The following KYAT3 variants were observed in gnomAD, a reference collection of about 807,000 sequenced individuals.
KYAT3 encodes the protein kynurenine aminotransferase 3.
In KYAT3, 50 loss-of-function variants were observed where a neutral mutation model predicts 59.0. The observed-to-expected ratio is 0.85, with a 90% CI of 0.68 to 1.07. The LOEUF (loss-of-function observed/expected upper bound fraction) is 1.07, where lower values mean the gene tolerates loss of function less well. Among genes scored for constraint, KYAT3 ranks in the 50% least tolerant of loss-of-function variants. KYAT3 has a pLI of 0.00. For missense variants in KYAT3, 497 were observed against 533.3 expected, an observed-to-expected ratio of 0.93 and a Z score of 0.67; for synonymous variants, 148 against 177.0, an observed-to-expected ratio of 0.84 and a Z score of 1.30.
intron 13 of KYAT3, among the ~76,000 whole-genome samples, chr1:88,940,784 T>A (rs967589109): frequency 1.3e-5 from 2 of 152,220 alleles, no homozygotes; most frequent in Non-Finnish European, 2.9e-5. Context: ...CCAGATGACA[T>A]GACTGTATGT....
chr1:88,953,235 T>C, intron 9 of KYAT3, 83 bp from the exon 10 acceptor site: 1 of 881,210 alleles, frequency 1.1e-6, no homozygotes, highest in Non-Finnish European at 1.8e-6. Flanking sequence ...TTAGTGCAAT[T>C]GTTAAATATA....
chr1:88,988,685 A>G (rs1677613764), intron 1 of KYAT3, among the ~76,000 whole-genome samples: 1 of 152,244 alleles, frequency 6.6e-6, no homozygotes, highest in Admixed American at 6.5e-5. Flanking sequence ...TAGCAGCTAT[A>G]AAATCCAGAG....
chr1:88,925,655 A>C, the KYAT3 span, among the ~76,000 whole-genome samples: 14 of 151,356 alleles, frequency 9.2e-5, no homozygotes, highest in East Asian at 2.5e-3. Context: ...CAGAGGAGAG[A>C]GAGATGGAAG....
At chr1:88,987,984 C>T (rs992390895) in intron 2 of KYAT3, among the ~76,000 whole-genome samples, 1 of 152,184 alleles carries the variant, frequency 6.6e-6, no homozygotes, top group African/African-American at 2.4e-5. Context: ...TCCCATGCCA[C>T]TGGACCTATA....
In KYAT3 at chr1:88,953,266, TG is replaced by T. The variant is rs1256832300; in HGVS notation, c.865-115del. 4.3e-6 allele frequency: 3 copies of T among 697,902 alleles called. No individual in the cohort carries two copies. In the Admixed American group the frequency reaches 7.0e-5, roughly 16 times the overall value. 43.2% of individuals were successfully genotyped at this position (697,902 alleles called of 1,614,324 possible). On this transcript the variant is annotated intron_variant, in intron 9 of 13. Transcript: ENST00000260508. Reference sequence around the variant, plus strand: ...ATATATACAATCCTAAAATGTTGGCTGGGTATGGTGACTCACACCTGTAATC... The same window carrying T: ...ATATATACAATCCTAAAATGTTGGCTGGTATGGTGACTCACACCTGTAATC...
chr1:88,968,816 T>C lies in KYAT3; in HGVS notation c.159-2A>G. On this transcript the variant is annotated splice_acceptor_variant, in intron 3 of 13. Transcript: ENST00000260508. LOFTEE classifies it high-confidence loss of function. ...GCAGCCAATTTGGTAAATTCAATCC[T>C]AAGATTGAAAAAAATACTAATATTA... The C allele has an allele frequency of 6.4e-7, 1 of 1,574,048 alleles. No individual in the cohort carries two copies. Among genetic ancestry groups the C allele is most frequent in the Non-Finnish European group, 8.6e-7 (1 of 1,168,416 alleles).
chr1:88,975,674 AG>A (rs1460886426), intron 2 of KYAT3, among the ~76,000 whole-genome samples: 5 of 152,350 alleles, frequency 3.3e-5, no homozygotes, highest in South Asian at 4.1e-4. Flanking sequence ...TACAACACAG[AG>A]TCATGTGCTG....
chr1:88,952,451 C>T (rs952745842), intron 10 of KYAT3, among the ~76,000 whole-genome samples: 1 of 152,074 alleles, frequency 6.6e-6, no homozygotes, highest in African/African-American at 2.4e-5. Flanking sequence ...GCACCATCCC[C>T]TTGATGCTGT....
chr1:88,970,317 T>C (rs924721188), intron 2 of KYAT3, among the ~76,000 whole-genome samples: 1 of 152,206 alleles, frequency 6.6e-6, no homozygotes, highest in African/African-American at 2.4e-5. Context: ...ATTATTACTG[T>C]ATGTTTACAA....
chr1:88,980,567 T>C (rs1677033775), intron 2 of KYAT3: 2 of 152,632 alleles, frequency 1.3e-5, no homozygotes, highest in Non-Finnish European at 2.9e-5. Context: ...CATTCTGTTT[T>C]ACAACCAGTA....
intron 5 of KYAT3, among the ~76,000 whole-genome samples, chr1:88,962,698 C>T (rs772872147): frequency 9.9e-5 from 15 of 152,064 alleles, no homozygotes; most frequent in Non-Finnish European, 1.9e-4. Context: ...GGGGTTTCGC[C>T]GTGTTGCCCA....
intron 2 of KYAT3, among the ~76,000 whole-genome samples, chr1:88,972,812 A>G (rs1215133490): frequency 1.3e-5 from 2 of 152,226 alleles, no homozygotes; most frequent in African/African-American, 4.8e-5. Flanking sequence ...CAGTGGGGCA[A>G]GGAAATGTAA....
At chr1:88,990,296 AC>A (rs1677709591) in intron 1 of KYAT3, among the ~76,000 whole-genome samples, 1 of 89,908 alleles carries the variant, frequency 1.1e-5, no homozygotes, top group Non-Finnish European at 2.0e-5. Context: ...AACAAAAAAC[AC>A]AAAAAATAAA....
chr1:88,927,779 G>A, the KYAT3 span, among the ~76,000 whole-genome samples: 3 of 152,300 alleles, frequency 2.0e-5, no homozygotes, highest in Admixed American at 1.3e-4. Flanking sequence ...TAACCCTGAT[G>A]GCTATATTGA....
the KYAT3 span, among the ~76,000 whole-genome samples, chr1:88,925,396 G>A: frequency 6.6e-6 from 1 of 152,178 alleles, no homozygotes; most frequent in East Asian, 1.9e-4. Context: ...TGCTTCCTCT[G>A]ATCCCTGCCT....
chr1:88,979,223 T>G (rs1291133379), intron 2 of KYAT3, among the ~76,000 whole-genome samples: 1 of 152,180 alleles, frequency 6.6e-6, no homozygotes, highest in Non-Finnish European at 1.5e-5. Flanking sequence ...TCATCTCCAT[T>G]TGTACCCATT....
intron 2 of KYAT3, chr1:88,982,027 T>C: frequency 1.0e-6 from 1 of 979,992 alleles, no homozygotes. Flanking sequence ...TAAATGGTCT[T>C]ATTGTGGGAG....
In KYAT3 at chr1:88,968,813, T is replaced by C. The variant is rs1215167100; in HGVS notation, c.160A>G (p.Ile54Val). 6.3e-7 allele frequency: 1 copy of C among 1,576,760 alleles called. No homozygotes were observed. The highest frequency in any genetic ancestry group is 1.4e-5 in the African/African-American group (1 of 72,224). The change falls in exon 4 of 14, where the codon ATT (isoleucine) becomes GTT (valine). Residue 54 changes from isoleucine (I) to valine (V), a missense_variant and splice_region_variant. This residue lies in a region of KYAT3 where 469 missense variants were observed against 479.1 expected (regional missense o/e 0.98). Transcript: ENST00000260508. ...TCTGCAGCCAATTTGGTAAATTCAA[T>C]CCTAAGATTGAAAAAAATACTAATA... ...RIEGLDSNVW[I>V]EFTKLAADPS...
chr1:88,980,929 C>T (rs1677055544), intron 2 of KYAT3: 1 of 152,170 alleles, frequency 6.6e-6, no homozygotes, highest in Non-Finnish European at 1.5e-5. Flanking sequence ...AAATGTTGTA[C>T]TTACTATCCC....
Sources: allele counts gnomAD v4.1 joint callset (sites outside exome capture counted in the v4.1 genomes callset), GRCh38; gene constraint gnomAD v4.1.1; regional missense constraint gnomAD v4.1.1; transcripts MANE v1.5; gene names NCBI Gene and HGNC (gene_info 2026-07-23, HGNC 2026-07-21).